Variants in IVD observed in about 807,000 individuals in gnomAD.
IVD encodes isovaleryl-CoA dehydrogenase, mitochondrial.
Under a neutral mutation model 51.3 loss-of-function variants are expected in IVD, and 31 were observed. The ratio of observed to expected loss-of-function variants is 0.60; its 90% confidence interval spans 0.45 to 0.81. The LOEUF (loss-of-function observed/expected upper bound fraction) is 0.81. Among genes scored for constraint, IVD ranks in the 40% least tolerant of loss-of-function variants. The pLI is 0.00. For missense variants in IVD, 475 were observed against 552.0 expected (o/e 0.86, Z 1.40); for synonymous variants, 205 against 219.4 (o/e 0.93, Z 0.58).
At chr15:40,414,604 T>G in intron 7 of IVD, 1 of 393,876 alleles carries the variant, frequency 2.5e-6, no homozygotes, top group South Asian at 2.1e-5. Context: ...CAATTAACTT[T>G]TCTTCTTTCC....
chr15:40,419,191 AT>A lies in IVD; in HGVS notation c.*929del. 1 of 1,289,358 alleles carries A rather than the reference AT, an allele frequency of 7.8e-7. No individual in the cohort carries two copies. Among genetic ancestry groups the A allele is most frequent in the Non-Finnish European group, 1.0e-6 (1 of 988,862 alleles). The allele number at this position is 1,289,358 out of a possible 1,614,324, so 79.9% of individuals were successfully genotyped here. On this transcript the variant is annotated 3_prime_UTR_variant, in exon 12 of 12. Transcript: ENST00000487418. Reference sequence around the variant, plus strand: ...CTTGTTTCTTCCAGTTTCTAGAGGTATCAGCTCCTAGCAGCTTATGAACACA... The same window carrying A: ...CTTGTTTCTTCCAGTTTCTAGAGGTACAGCTCCTAGCAGCTTATGAACACA...
At position 40,418,903 on chromosome 15, in the gene IVD, T is replaced by C; in HGVS notation, c.*640T>C. 2 of 535,584 alleles carry C rather than the reference T, an allele frequency of 3.7e-6. No homozygotes were observed. Among genetic ancestry groups the C allele is most frequent in the Non-Finnish European group, 5.6e-6 (2 of 357,390 alleles). 33.2% of individuals were successfully genotyped at this position (535,584 alleles called of 1,614,324 possible). ...ATCCCAGCACTTCAGGAGGCTGAGA[T>C]GGGTGGATCACCTGAGGTCAGGAGT... On this transcript the variant is annotated 3_prime_UTR_variant, in exon 12 of 12. Coordinates refer to ENST00000487418, the MANE Select transcript of IVD (RefSeq NM_002225.5).
At chr15:40,427,772 A>G (rs906138710), downstream of IVD, among the ~76,000 whole-genome samples, 13 of 152,290 alleles carry the variant, frequency 8.5e-5, no homozygotes, top group African/African-American at 3.1e-4. Flanking sequence ...TAGTGAAGGA[A>G]GACTTGATGT....
At chr15:40,415,963 C>T in intron 9 of IVD, 115 bp from the exon 10 acceptor site, 1 of 883,376 alleles carries the variant, frequency 1.1e-6, no homozygotes, top group Non-Finnish European at 1.9e-6. Context: ...AATCCCATCT[C>T]CTCTCCATGC....
intron 7 of IVD, among the ~76,000 whole-genome samples, chr15:40,429,753 G>A (rs963976249): frequency 1.2e-4 from 18 of 152,174 alleles, no homozygotes; most frequent in African/African-American, 2.2e-4. Flanking sequence ...TCAAGGCTTC[G>A]CCTTGAACTA....
At chr15:40,429,927 A>G (rs994862520) in intron 7 of IVD, among the ~76,000 whole-genome samples, 6 of 152,218 alleles carry the variant, frequency 3.9e-5, no homozygotes, top group Non-Finnish European at 8.8e-5. Context: ...ATTGTTATCC[A>G]GTTGTTGAAT....
At position 40,405,993 on chromosome 15, in the gene IVD, C is replaced by T. The variant is rs1470367834; in HGVS notation, c.144+22C>T. ...GCAGGTGAGGAGACTGACCCCCTTC[C>T]TGGCCCCAAGGCCTCCTTCCTGCCT... On this transcript the variant is annotated intron_variant, in intron 1 of 11. Coordinates refer to ENST00000487418, the MANE Select transcript of IVD (RefSeq NM_002225.5). The T allele has an allele frequency of 1.3e-5, 20 of 1,527,600 alleles. No individual in the cohort carries two copies. The Admixed American group carries it at 3.6e-4, about 28-fold the overall frequency. The allele number at this position is 1,527,600 out of a possible 1,614,324, so 94.6% of individuals were successfully genotyped here. A position where few individuals can be genotyped will look rare whatever the true frequency, so the allele number is the denominator to read the frequency against.
downstream of IVD, among the ~76,000 whole-genome samples, chr15:40,427,608 A>T (rs1892745242): frequency 6.6e-6 from 1 of 152,230 alleles, no homozygotes; most frequent in Non-Finnish European, 1.5e-5. Flanking sequence ...CTGATGCTGC[A>T]GGCTGGCCAG....
intron 7 of IVD, among the ~76,000 whole-genome samples, chr15:40,432,599 T>C (rs1893039979): frequency 6.6e-6 from 1 of 152,254 alleles, no homozygotes; most frequent in African/African-American, 2.4e-5. Flanking sequence ...TCCTCTGCTC[T>C]GGGTTTTGCA....
Position 40,411,586 on chromosome 15 carries a change from C to G in IVD, c.582C>G (p.Phe194Leu). Residue 194 changes from phenylalanine to leucine, a missense_variant, in exon 6 of 12, where the codon TTC (phenylalanine) becomes TTG (leucine). Coordinates refer to ENST00000487418, the MANE Select transcript of IVD (RefSeq NM_002225.5). ...GNHYILNGNKFWITNGPDADV... is the reference protein window; with the variant it reads ...GNHYILNGNKLWITNGPDADV... Reference sequence around the variant, plus strand: ...ACTACATCCTGAATGGCAACAAGTTCTGGATCACTAATGGCCCTGATGCTG... The same window carrying G: ...ACTACATCCTGAATGGCAACAAGTTGTGGATCACTAATGGCCCTGATGCTG... 6.2e-7 allele frequency: 1 copy of G among 1,614,236 alleles called. No homozygotes were observed. The highest frequency in any genetic ancestry group is 1.3e-5 in the African/African-American group (1 of 75,060).
chr15:40,416,112 G>T lies in IVD; in HGVS notation c.995G>T (p.Arg332Leu), dbSNP rs745464766. The change falls in exon 10 of 12, where the codon CGC becomes CTC. Residue 332 changes from arginine to leucine, a missense_variant. Coordinates refer to ENST00000487418, the MANE Select transcript of IVD (RefSeq NM_002225.5). ...GGGAAGATGGCTGACATGTACACCC[G>T]CCTCATGGCGTGTCGGCAGTATGTC... ...MQGKMADMYT[R>L]LMACRQYVYN... The T allele has an allele frequency of 1.2e-6, 2 of 1,614,246 alleles. No individual in the cohort carries two copies. Among genetic ancestry groups the T allele is most frequent in the Admixed American group, 3.3e-5 (2 of 60,028 alleles).
chr15:40,409,165 T>G (rs1890782108), intron 3 of IVD, among the ~76,000 whole-genome samples: 6 of 151,998 alleles, frequency 3.9e-5, no homozygotes, highest in Non-Finnish European at 8.8e-5. Context: ...GTTTTGGGGG[T>G]TTATGTACCC....
chr15:40,410,937 G>A (rs1891008765), intron 4 of IVD, 140 bp downstream of exon 4: 4 of 1,061,966 alleles, frequency 3.8e-6, no homozygotes, highest in Non-Finnish European at 5.7e-6. Flanking sequence ...AAGGGGCCAT[G>A]GATTGCTTTA....
At chr15:40,428,734 T>C (rs1892807996), downstream of IVD, among the ~76,000 whole-genome samples, 2 of 152,180 alleles carry the variant, frequency 1.3e-5, no homozygotes, top group Non-Finnish European at 2.9e-5. Flanking sequence ...GGAGAGAGGC[T>C]GTGGGGGGTG....
intron 7 of IVD, among the ~76,000 whole-genome samples, chr15:40,431,805 A>G (rs1388749320): frequency 1.3e-5 from 2 of 152,218 alleles, no homozygotes; most frequent in Non-Finnish European, 2.9e-5. Flanking sequence ...GGAAGCAATG[A>G]AAAAGGCAAT....
intron 7 of IVD, among the ~76,000 whole-genome samples, chr15:40,429,810 G>T (rs1387398466): frequency 6.6e-6 from 1 of 152,182 alleles, no homozygotes; most frequent in African/African-American, 2.4e-5. Flanking sequence ...GAGTTCTGGG[G>T]CCGCAGCCTC....
rs183425220 is a variant in IVD, at chr15:40,419,068, G to A, written c.*805G>A. The A allele has an allele frequency of 1.8e-4, 174 of 982,334 alleles. 3 individuals carry two copies. The highest frequency in any genetic ancestry group is 4.5e-4 in the Admixed American group (19 of 42,270). 60.9% of individuals were successfully genotyped at this position (982,334 alleles called of 1,614,324 possible). A position where few individuals can be genotyped will look rare whatever the true frequency, so the allele number is the denominator to read the frequency against. On this transcript the variant is annotated 3_prime_UTR_variant, in exon 12 of 12. Coordinates refer to ENST00000487418, the MANE Select transcript of IVD (RefSeq NM_002225.5). ...GGAGAATTACTTGAACCCAGGAGGC[G>A]GACGTTGCAGTGAGCCGAGCTTGTG...
downstream of IVD, among the ~76,000 whole-genome samples, chr15:40,426,504 C>T (rs1892681236): frequency 6.6e-6 from 1 of 151,350 alleles, no homozygotes; most frequent in African/African-American, 2.4e-5. Flanking sequence ...CACCATTGCA[C>T]TCCAGCCTGG....
chr15:40,407,913 T>G lies in IVD; in HGVS notation c.235-26T>G, dbSNP rs768369246. ...TGGCTGCCTTCCCCTCAACACTTAT[T>G]CCACTCTGCTCCATTCTGTTGGCAG... On this transcript the variant is annotated intron_variant, in intron 2 of 11. Coordinates refer to ENST00000487418, the MANE Select transcript of IVD (RefSeq NM_002225.5). 24 of 1,613,432 alleles carry G rather than the reference T, an allele frequency of 1.5e-5. No individual in the cohort carries two copies. In the South Asian group the frequency reaches 2.2e-4, roughly 15 times the overall value.
Sources: allele counts gnomAD v4.1 joint callset (sites outside exome capture counted in the v4.1 genomes callset), GRCh38; gene constraint gnomAD v4.1.1; transcripts MANE v1.5; gene names NCBI Gene and HGNC (gene_info 2026-07-23, HGNC 2026-07-21).